Variants in CPQ observed in about 807,000 individuals in gnomAD.
CPQ encodes carboxypeptidase Q.
CPQ carries 37 observed loss-of-function variants against 45.7 expected under a neutral mutation model. That is an observed-to-expected ratio of 0.81 (90% CI 0.62 to 1.07). CPQ has a LOEUF of 1.07. CPQ is among the 50% of genes least tolerant of loss of function. CPQ has a pLI of 0.00. For missense variants in CPQ, 537 were observed against 572.9 expected (o/e 0.94, Z 0.64); for synonymous variants, 186 against 205.8 (o/e 0.90, Z 0.82).
chr8:96,880,664 G>A (rs1470121916), intron 4 of CPQ, among the ~76,000 whole-genome samples: 1 of 150,244 alleles, frequency 6.7e-6, no homozygotes, highest in Non-Finnish European at 1.5e-5. Context: ...TATCCTAAGT[G>A]AATTAATACA....
chr8:97,083,418 CA>C (rs1235481815), intron 7 of CPQ, among the ~76,000 whole-genome samples: 2 of 152,052 alleles, frequency 1.3e-5, no homozygotes, highest in African/African-American at 4.8e-5. Context: ...TTTGTGGTTA[CA>C]AAAAAGAGTG....
intron 2 of CPQ, among the ~76,000 whole-genome samples, chr8:96,787,520 A>T: frequency 2.3e-5 from 1 of 43,396 alleles, no homozygotes. Flanking sequence ...ATTTTCTTAT[A>T]ATGTCTTTTT....
intron 3 of CPQ, among the ~76,000 whole-genome samples, chr8:96,847,955 G>A (rs4448243): frequency 0.52 from 72,728 of 140,888 alleles, 19,215 homozygotes; most frequent in African/African-American, 0.63. Flanking sequence ...GCAGAGGCCA[G>A]CAGGGATGTA....
At chr8:96,814,429 G>C (rs1354602712) in intron 2 of CPQ, among the ~76,000 whole-genome samples, 1 of 152,174 alleles carries the variant, frequency 6.6e-6, no homozygotes, top group Non-Finnish European at 1.5e-5. Flanking sequence ...TGGATGGATG[G>C]AGGCTCCACA....
At chr8:96,864,609 A>C (rs970310218) in intron 3 of CPQ, among the ~76,000 whole-genome samples, 2 of 92,042 alleles carry the variant, frequency 2.2e-5, no homozygotes, top group East Asian at 7.0e-4. Flanking sequence ...TAGGAAACCC[A>C]AAAGGGTCAC....
At chr8:97,085,691 A>G (rs559144922) in intron 7 of CPQ, among the ~76,000 whole-genome samples, 1 of 152,284 alleles carries the variant, frequency 6.6e-6, no homozygotes, top group Admixed American at 6.5e-5. Context: ...CTGCCTTTGG[A>G]CATTGTAAGC....
chr8:96,972,240 C>G (rs768522597), intron 5 of CPQ, among the ~76,000 whole-genome samples: 1 of 152,128 alleles, frequency 6.6e-6, no homozygotes, highest in Non-Finnish European at 1.5e-5. Context: ...GCCAGCTTTC[C>G]TCCACCTCCC....
intron 1 of CPQ, among the ~76,000 whole-genome samples, chr8:96,715,839 C>T (rs909875919): frequency 3.9e-5 from 6 of 152,178 alleles, no homozygotes; most frequent in African/African-American, 9.7e-5. Flanking sequence ...AATGATGCTG[C>T]TCCTCTTAGT....
chr8:96,854,548 A>ACAAAAACAAAAAC (rs1563513668), intron 3 of CPQ, among the ~76,000 whole-genome samples: 1 of 119,054 alleles, frequency 8.4e-6, no homozygotes, highest in Non-Finnish European at 1.8e-5. Flanking sequence ...AAAAAAAAAA[A>ACAAAAACAAAAAC]AAAAAAAAAA....
intron 1 of CPQ, among the ~76,000 whole-genome samples, chr8:96,751,246 CCCA>C (rs1462448029): frequency 5.9e-5 from 9 of 152,210 alleles, no homozygotes; most frequent in African/African-American, 2.2e-4. Flanking sequence ...AATTTACACT[CCCA>C]CCAACAGTGT....
At chr8:96,935,394 A>G in intron 4 of CPQ, among the ~76,000 whole-genome samples, 1 of 152,188 alleles carries the variant, frequency 6.6e-6, no homozygotes, top group East Asian at 1.9e-4. Context: ...TAGAACTGTG[A>G]TAGTCTTAAA....
chr8:96,946,511 A>G (rs1813191136), intron 4 of CPQ, among the ~76,000 whole-genome samples: 1 of 151,964 alleles, frequency 6.6e-6, no homozygotes, highest in Non-Finnish European at 1.5e-5. Flanking sequence ...CAGGTTAGTT[A>G]CATATGTATA....
At chr8:96,916,177 T>C (rs1019989099) in intron 4 of CPQ, among the ~76,000 whole-genome samples, 5 of 152,174 alleles carry the variant, frequency 3.3e-5, no homozygotes, top group African/African-American at 7.2e-5. Flanking sequence ...AATACATCTT[T>C]TAATTTTGTC....
chr8:96,978,922 C>T (rs931381906), intron 5 of CPQ, among the ~76,000 whole-genome samples: 2 of 152,064 alleles, frequency 1.3e-5, no homozygotes, highest in African/African-American at 4.8e-5. Context: ...GCTTTGACTG[C>T]CCACTTCATG....
chr8:96,785,439 C>G, intron 2 of CPQ, 109 bp downstream of exon 2: 1 of 969,894 alleles, frequency 1.0e-6, no homozygotes, highest in Non-Finnish European at 1.5e-6. Flanking sequence ...ATTTCCTATT[C>G]CATTGGCTTA....
intron 6 of CPQ, among the ~76,000 whole-genome samples, chr8:97,061,402 T>C (rs1293678790): frequency 6.6e-6 from 1 of 152,154 alleles, no homozygotes; most frequent in East Asian, 1.9e-4. Context: ...TTTGTATTTC[T>C]GAATTAAAAG....
intron 7 of CPQ, among the ~76,000 whole-genome samples, chr8:97,102,526 T>C (rs1196299798): frequency 6.6e-6 from 1 of 152,336 alleles, no homozygotes; most frequent in East Asian, 1.9e-4. Context: ...ACTCGCAGTT[T>C]CAAGGATTCA....
intron 6 of CPQ, among the ~76,000 whole-genome samples, chr8:97,035,378 C>T (rs1809981192): frequency 6.6e-6 from 1 of 152,060 alleles, no homozygotes; most frequent in Non-Finnish European, 1.5e-5. Context: ...CATTTATTTT[C>T]TTTTCTGGGA....
At chr8:96,709,653 AT>A (rs1809581999) in intron 1 of CPQ, among the ~76,000 whole-genome samples, 1 of 152,064 alleles carries the variant, frequency 6.6e-6, no homozygotes, top group Non-Finnish European at 1.5e-5. Flanking sequence ...CTGCATACTC[AT>A]TTATTCTGAG....
Sources: allele counts gnomAD v4.1 joint callset (sites outside exome capture counted in the v4.1 genomes callset), GRCh38; gene constraint gnomAD v4.1.1; transcripts MANE v1.5; gene names NCBI Gene and HGNC (gene_info 2026-07-23, HGNC 2026-07-21).